The following CUL2 variants were observed in gnomAD, a reference collection of about 807,000 sequenced individuals.
CUL2 encodes the protein cullin 2.
In CUL2, 22 loss-of-function variants were observed where a neutral mutation model predicts 110.2. The ratio of observed to expected loss-of-function variants is 0.20; its 90% CI spans 0.14 to 0.28. The LOEUF (loss-of-function observed/expected upper bound fraction) is 0.28, where lower values mean the gene tolerates loss of function less well. Ranked by LOEUF, CUL2 falls within the 10% of genes least tolerant of loss-of-function variation. CUL2 has a pLI of 1.00. For missense variants in CUL2, 631 were observed against 905.5 expected (o/e 0.70, Z 3.89); for synonymous variants, 279 against 293.2 (o/e 0.95, Z 0.49).
At chr10:35,124,634 C>A (rs570326010) in intron 1 of CUL2, among the ~76,000 whole-genome samples, 15 of 152,230 alleles carry the variant, frequency 9.9e-5, no homozygotes, top group Middle Eastern at 3.4e-3. Flanking sequence ...AACTCTGTGG[C>A]CTTCCTTATA....
chr10:35,044,915 T>C (rs1755258376), intron 6 of CUL2, 47 bp from the exon 7 acceptor site: 1 of 1,430,718 alleles, frequency 7.0e-7, no homozygotes. Flanking sequence ...ACAAATTATC[T>C]ATGGAAATAT....
upstream of CUL2, among the ~76,000 whole-genome samples, chr10:35,093,659 C>CAAAAAAAAAAAAAAAAA (rs58582764): frequency 1.1e-5 from 1 of 87,840 alleles, no homozygotes; most frequent in Non-Finnish European, 2.2e-5. Flanking sequence ...GACCTTCTCT[C>CAAAAAAAAAAAAAAAAA]AAAAAAAAAA....
chr10:35,073,128 A>C (rs2086724605), intron 1 of CUL2, among the ~76,000 whole-genome samples: 1 of 152,206 alleles, frequency 6.6e-6, no homozygotes. Flanking sequence ...AGAAAAGCCA[A>C]ATATCCAAAA....
chr10:35,109,594 C>T (rs963594584), intron 1 of CUL2, among the ~76,000 whole-genome samples: 6 of 152,182 alleles, frequency 3.9e-5, no homozygotes, highest in African/African-American at 1.4e-4. Context: ...GTGACATTTG[C>T]GTTTACACGG....
chr10:35,045,267 G>A (rs888710523), intron 6 of CUL2, among the ~76,000 whole-genome samples: 1 of 152,162 alleles, frequency 6.6e-6, no homozygotes, highest in Non-Finnish European at 1.5e-5. Context: ...AGACATGTAG[G>A]TGAAATGTTA....
At chr10:35,020,709 G>A (rs913720767) in intron 17 of CUL2, among the ~76,000 whole-genome samples, 2 of 152,152 alleles carry the variant, frequency 1.3e-5, no homozygotes, top group African/African-American at 4.8e-5. Context: ...CAAAGACAGT[G>A]TAATGGTTTC....
At chr10:35,099,064 C>T (rs893882182) in intron 2 of CUL2, among the ~76,000 whole-genome samples, 1 of 152,038 alleles carries the variant, frequency 6.6e-6, no homozygotes, top group African/African-American at 2.4e-5. Context: ...GACTAAAAGA[C>T]GTAGTTCCTG....
intron 2 of CUL2, among the ~76,000 whole-genome samples, chr10:35,068,988 C>T (rs998610589): frequency 4.6e-5 from 7 of 152,152 alleles, no homozygotes; most frequent in African/African-American, 1.4e-4. Context: ...CCTGCCTCAG[C>T]CTCCCAAGTA....
upstream of CUL2, among the ~76,000 whole-genome samples, chr10:35,091,812 G>A (rs1249215390): frequency 6.6e-6 from 1 of 151,950 alleles, no homozygotes; most frequent in African/African-American, 2.4e-5. Context: ...TAGAGACAGG[G>A]TTTCACCATG....
At chr10:35,114,681 C>T (rs1033129173) in intron 1 of CUL2, among the ~76,000 whole-genome samples, 3 of 151,714 alleles carry the variant, frequency 2.0e-5, no homozygotes, top group Admixed American at 6.6e-5. Flanking sequence ...GCGCCTGGCC[C>T]GCAGACAAGT....
At chr10:35,016,769 G>C (rs1288038324) in intron 17 of CUL2, among the ~76,000 whole-genome samples, 1 of 151,514 alleles carries the variant, frequency 6.6e-6, no homozygotes, top group African/African-American at 2.4e-5. Context: ...TTTACTAAAA[G>C]TACAAAAATT....
chr10:35,045,927 CTTA>C (rs1250287256), intron 6 of CUL2, among the ~76,000 whole-genome samples: 1 of 152,114 alleles, frequency 6.6e-6, no homozygotes, highest in Non-Finnish European at 1.5e-5. Context: ...CAACAGAAAA[CTTA>C]TTATCATCAT....
intron 18 of CUL2, among the ~76,000 whole-genome samples, chr10:35,014,354 G>A (rs2084975078): frequency 6.6e-6 from 1 of 152,100 alleles, no homozygotes; most frequent in African/African-American, 2.4e-5. Context: ...AGAAGCAAGT[G>A]GCCTTTGCTC....
chr10:35,083,287 T>C (rs1188301068), intron 1 of CUL2, among the ~76,000 whole-genome samples: 1 of 152,148 alleles, frequency 6.6e-6, no homozygotes. Context: ...ATCAAAGGTA[T>C]CATTTACAAA....
At chr10:35,067,251 A>T (rs2134964632) in intron 2 of CUL2, among the ~76,000 whole-genome samples, 1 of 152,230 alleles carries the variant, frequency 6.6e-6, no homozygotes, top group Non-Finnish European at 1.5e-5. Context: ...AGGCAATATT[A>T]AGTCTCCCCT....
intron 6 of CUL2, among the ~76,000 whole-genome samples, 196 bp downstream of exon 6, chr10:35,049,487 A>G (rs2086036102): frequency 7.3e-6 from 1 of 137,002 alleles, no homozygotes; most frequent in South Asian, 2.3e-4. Context: ...CCCCACCAAA[A>G]AGAAAAAAAA....
chr10:35,028,679 C>A, intron 16 of CUL2, 131 bp downstream of exon 16: 1 of 564,186 alleles, frequency 1.8e-6, no homozygotes, highest in South Asian at 2.9e-5. Flanking sequence ...AAAGGGCAGA[C>A]TGACTATAAT....
At chr10:35,077,255 C>T (rs1442930650) in intron 1 of CUL2, among the ~76,000 whole-genome samples, 3 of 151,650 alleles carry the variant, frequency 2.0e-5, no homozygotes, top group African/African-American at 7.3e-5. Flanking sequence ...AAAATAGCCA[C>T]TGCACTCCAG....
chr10:35,113,071 T>A (rs2087540624), intron 1 of CUL2, among the ~76,000 whole-genome samples: 1 of 148,628 alleles, frequency 6.7e-6, no homozygotes. Context: ...TAATCTCAGC[T>A]ACTCTGGAGG....
Sources: allele counts gnomAD v4.1 joint callset (sites outside exome capture counted in the v4.1 genomes callset), GRCh38; gene constraint gnomAD v4.1.1; transcripts MANE v1.5; gene names NCBI Gene and HGNC (gene_info 2026-07-23, HGNC 2026-07-21).